The following TEAD4 variants were observed in gnomAD, a reference collection of about 807,000 sequenced individuals.
TEAD4 encodes the protein TEA domain transcription factor 4, also known as transcriptional enhancer factor TEF-3.
TEAD4 carries 36 observed loss-of-function variants against 52.4 expected under a neutral mutation model. The ratio of observed to expected loss-of-function variants is 0.69; its 90% CI spans 0.53 to 0.91. The LOEUF (loss-of-function observed/expected upper bound fraction) is 0.91. Ranked by LOEUF, TEAD4 falls within the 40% of genes least tolerant of loss-of-function variation. The probability of loss-of-function intolerance (pLI) is 0.00; values close to 1 mark genes in which losing one functional copy is unlikely to be tolerated. For missense variants in TEAD4, 508 were observed against 583.9 expected, an observed-to-expected ratio of 0.87 and a Z score of 1.34; for synonymous variants, 220 against 231.0, an observed-to-expected ratio of 0.95 and a Z score of 0.43.
intron 7 of TEAD4, 110 bp from the exon 8 acceptor site, chr12:3,019,005 A>T: frequency 7.3e-7 from 1 of 1,370,476 alleles, no homozygotes; most frequent in Non-Finnish European, 1.0e-6. Context: ...CATCGGGACC[A>T]CTGAAATCCA....
intron 10 of TEAD4, among the ~76,000 whole-genome samples, chr12:3,034,506 A>G (rs1353301093): frequency 6.6e-6 from 1 of 152,098 alleles, no homozygotes; most frequent in Non-Finnish European, 1.5e-5. Flanking sequence ...GGATCTGCCA[A>G]TTGCTCCTGG....
chr12:3,015,748 T>C (rs942312192), intron 5 of TEAD4, among the ~76,000 whole-genome samples: 1 of 151,426 alleles, frequency 6.6e-6, no homozygotes, highest in African/African-American at 2.4e-5. Flanking sequence ...CTCGACCTCC[T>C]GGGCTGAGGC....
chr12:3,034,525 G>A (rs905585266), intron 10 of TEAD4, among the ~76,000 whole-genome samples: 1 of 152,198 alleles, frequency 6.6e-6, no homozygotes, highest in African/African-American at 2.4e-5. Flanking sequence ...GGGGGCTGGG[G>A]GCAGCCGCTG....
chr12:3,019,790 C>T (rs952615261), intron 8 of TEAD4, among the ~76,000 whole-genome samples: 2 of 152,210 alleles, frequency 1.3e-5, no homozygotes, highest in African/African-American at 4.8e-5. Context: ...TCCCTGCCAC[C>T]AAGAGCAGCC....
intron 3 of TEAD4, among the ~76,000 whole-genome samples, chr12:3,004,072 A>G (rs780416850): frequency 1.3e-5 from 2 of 152,106 alleles, no homozygotes; most frequent in Non-Finnish European, 2.9e-5. Flanking sequence ...TGTCTACATG[A>G]TCCAGGATAC....
intron 2 of TEAD4, among the ~76,000 whole-genome samples, chr12:2,992,462 C>T (rs1408587459): frequency 6.6e-6 from 1 of 152,158 alleles, no homozygotes; most frequent in African/African-American, 2.4e-5. Flanking sequence ...CTCACCCCCT[C>T]CCTCACAGTG....
intron 3 of TEAD4, among the ~76,000 whole-genome samples, chr12:3,001,952 C>G (rs1216740022): frequency 6.6e-6 from 1 of 151,734 alleles, no homozygotes; most frequent in African/African-American, 2.4e-5. Flanking sequence ...ACAAAATTAG[C>G]TGGGTGTGGT....
chr12:3,010,817 C>T (rs1367862652), intron 3 of TEAD4, among the ~76,000 whole-genome samples, 187 bp from the exon 4 acceptor site: 1 of 152,218 alleles, frequency 6.6e-6, no homozygotes, highest in Admixed American at 6.5e-5. Context: ...GAGGCCTTGT[C>T]TTCCTCTCGC....
chr12:2,973,103 C>CAAAA (rs1288908128), intron 2 of TEAD4, among the ~76,000 whole-genome samples: 11 of 152,170 alleles, frequency 7.2e-5, no homozygotes, highest in African/African-American at 2.7e-4. Context: ...AGTTACATAG[C>CAAAA]TCTTTGGGTC....
chr12:3,012,127 G>C (rs766111041), intron 4 of TEAD4, 43 bp from the exon 5 acceptor site: 6 of 1,608,434 alleles, frequency 3.7e-6, no homozygotes, highest in Admixed American at 3.3e-5. Flanking sequence ...GGGAACACAG[G>C]TTGTTGGGAG....
rs533314885 is a variant in TEAD4, at chr12:3,035,578, T to C, written c.898-2390T>C. ...GGTTCACACCTGCAATCCCAACACT[T>C]TGGGAGGCCAAGGTGAGAGGATCAC... On this transcript the variant is annotated intron_variant, in intron 10 of 12. Transcript: ENST00000359864. 3.3e-5 allele frequency among the ~76,000 whole-genome samples: 5 copies of C among 152,140 alleles called. No individual in the cohort carries two copies. In the South Asian group the frequency reaches 1.0e-3, roughly 32 times the overall value.
rs1400891623 is a variant in TEAD4 at position 3,015,516 on chromosome 12, C to T, written c.355-1882C>T. 2.6e-5 allele frequency among the ~76,000 whole-genome samples: 4 copies of T among 152,228 alleles called. No individual in the cohort carries two copies. The South Asian group carries it at 6.2e-4, about 24-fold the overall frequency. On this transcript the variant is annotated intron_variant, in intron 5 of 12. Transcript: ENST00000359864. ...TCACACCTGCACGGCACCAGGATGG[C>T]GGGGGAGCACTGAGCCTCTCTGAGC...
intron 11 of TEAD4, 82 bp from the exon 12 acceptor site, chr12:3,040,025 C>T (rs12820556): frequency 1.4e-4 from 212 of 1,569,050 alleles, no homozygotes; most frequent in Non-Finnish European, 1.8e-4. Context: ...AGGCTTTCTG[C>T]CTTTCCTTCC....
chr12:3,011,051 A>G lies in TEAD4; in HGVS notation c.274A>G (p.Thr92Ala), dbSNP rs758150762. ...CTACATCAAGCTCCGGACAGGGAAG[A>G]CCCGCACCAGGAAGCAGGTGGGCCT... is the stretch of plus-strand genomic sequence containing the variant. The change falls in exon 4 of 13, where the codon ACC becomes GCC. Residue 92 changes from threonine to alanine, a missense_variant. By Grantham distance (58) the Thr-to-Ala change is moderately conservative. Transcript: ENST00000359864. 1.2e-5 allele frequency: 20 copies of G among 1,613,862 alleles called. No homozygotes were observed. The highest frequency in any genetic ancestry group is 1.7e-5 in the Non-Finnish European group (20 of 1,179,946).
rs985224577 is a variant in TEAD4 at position 3,010,615 on chromosome 12, C to T, written c.227-389C>T. On this transcript the variant is annotated intron_variant, in intron 3 of 12. Transcript: ENST00000359864. ...AGTCACACAGGGCAAGGCCGAGGGC[C>T]GGGCAGCTCCCTGGAGCCTCCCAAG... is the stretch of plus-strand genomic sequence containing the variant. Among the ~76,000 whole-genome samples the T allele has an allele frequency of 7.9e-5, 12 of 152,306 alleles. No homozygotes were observed. In the South Asian group the frequency reaches 8.3e-4, roughly 11 times the overall value.
rs1261293989 is a variant in TEAD4, at chr12:3,035,840, A to AG, written c.898-2128_898-2127insG. On this transcript the variant is annotated intron_variant, in intron 10 of 12. Transcript: ENST00000359864. ...GTCTTTAACAAAAAAAAAAAAAAAG[A>AG]AGAAGAAGAAGAAAACAGGAGCCCG... 1.1e-4 allele frequency among the ~76,000 whole-genome samples: 14 copies of AG among 127,700 alleles called. 1 individual carries two copies. The East Asian group carries it at 3.2e-3, about 29-fold the overall frequency. The allele number at this position is 127,700 out of a possible 152,430, so 83.8% of individuals were successfully genotyped here.
At chr12:2,964,163 T>TAAAGCTCC (rs2098218249) in intron 2 of TEAD4, among the ~76,000 whole-genome samples, 1 of 152,234 alleles carries the variant, frequency 6.6e-6, no homozygotes, top group Non-Finnish European at 1.5e-5. Flanking sequence ...GTGCCGGTTC[T>TAAAGCTCC]GTGCTGAGCT....
At chr12:2,963,056 A>C (rs2098217154) in intron 2 of TEAD4, among the ~76,000 whole-genome samples, 1 of 152,174 alleles carries the variant, frequency 6.6e-6, no homozygotes, top group Admixed American at 6.5e-5. Flanking sequence ...GAAAGCACAT[A>C]GCTGTTCTGG....
chr12:2,993,966 C>T (rs1281830632), intron 2 of TEAD4, among the ~76,000 whole-genome samples: 1 of 152,204 alleles, frequency 6.6e-6, no homozygotes, highest in Non-Finnish European at 1.5e-5. Flanking sequence ...TGCATTCATC[C>T]ATTGATGGAC....
Sources: gnomAD v4.1 joint callset for allele counts (sites outside exome capture counted in the v4.1 genomes callset) on GRCh38, gnomAD v4.1.1 for gene constraint, MANE v1.5 for transcripts, NCBI Gene and HGNC (gene_info 2026-07-23, HGNC 2026-07-21) for gene names.